The following POPDC1 variants were observed in gnomAD, a reference collection of about 807,000 sequenced individuals.
POPDC1 encodes popeye domain cAMP effector 1.
the POPDC1 span, chr6:105,115,734 C>T: frequency 5.2e-4 from 834 of 1,614,040 alleles, 1 homozygote; most frequent in Non-Finnish European, 6.3e-4. Flanking sequence ...TGCAAGCCGT[C>T]GTCACTGTCA....
the POPDC1 span, among the ~76,000 whole-genome samples, chr6:105,127,427 TC>T: frequency 6.6e-6 from 1 of 152,080 alleles, no homozygotes; most frequent in African/African-American, 2.4e-5. Flanking sequence ...GATCTGCTCA[TC>T]CCGTAACTCT....
chr6:105,132,035 G>A, the POPDC1 span, among the ~76,000 whole-genome samples: 1 of 147,800 alleles, frequency 6.8e-6, no homozygotes, highest in Admixed American at 6.8e-5. Context: ...GCACAATCTT[G>A]GCTCACTGCA....
the POPDC1 span, chr6:105,116,972 G>T: frequency 9.7e-7 from 1 of 1,034,126 alleles, no homozygotes; most frequent in Non-Finnish European, 1.4e-6. Context: ...CATTATCATA[G>T]CAATGATTTG....
chr6:105,113,712 G>A, the POPDC1 span, among the ~76,000 whole-genome samples: 1 of 152,040 alleles, frequency 6.6e-6, no homozygotes, highest in East Asian at 1.9e-4. Context: ...TGCAGGCCAG[G>A]TGCAGTGGCT....
the POPDC1 span, chr6:105,101,218 GGAAA>G: frequency 6.2e-7 from 1 of 1,605,454 alleles, no homozygotes; most frequent in East Asian, 2.2e-5. Context: ...ACACATCTGT[GGAAA>G]GATACAGGAG....
At chr6:105,114,355 AAAC>A in the POPDC1 span, among the ~76,000 whole-genome samples, 1 of 152,352 alleles carries the variant, frequency 6.6e-6, no homozygotes, top group East Asian at 1.9e-4. Context: ...TCCAGCCAAA[AAAC>A]AACCCTAAAA....
chr6:105,109,982 A>G, the POPDC1 span, among the ~76,000 whole-genome samples: 4 of 151,968 alleles, frequency 2.6e-5, no homozygotes, highest in South Asian at 2.1e-4. Context: ...TGACTAACAG[A>G]CTAAAAATGT....
At chr6:105,126,902 G>T in the POPDC1 span, among the ~76,000 whole-genome samples, 47 of 152,330 alleles carry the variant, frequency 3.1e-4, no homozygotes, top group African/African-American at 1.1e-3. Context: ...AATGAACTCT[G>T]TAAAATGGAG....
At chr6:105,116,595 T>C in the POPDC1 span, 2 of 874,570 alleles carry the variant, frequency 2.3e-6, no homozygotes, top group Non-Finnish European at 3.4e-6. Flanking sequence ...CCCCAGTACA[T>C]TTAACATATG....
chr6:105,125,681 T>C, the POPDC1 span: 1 of 1,101,918 alleles, frequency 9.1e-7, no homozygotes, highest in Non-Finnish European at 1.3e-6. Context: ...AAATCTTTGA[T>C]ATATACCATC....
At chr6:105,121,817 A>G in the POPDC1 span, among the ~76,000 whole-genome samples, 1 of 152,108 alleles carries the variant, frequency 6.6e-6, no homozygotes, top group African/African-American at 2.4e-5. Context: ...CCTCCTTTTC[A>G]TCGTACTGTA....
At chr6:105,097,260 T>C in the POPDC1 span, 1 of 151,870 alleles carries the variant, frequency 6.6e-6, no homozygotes, top group Non-Finnish European at 1.5e-5. Context: ...TTGAGTTGAG[T>C]TGAGAATTAC....
At chr6:105,129,399 G>A in the POPDC1 span, 1 of 1,611,060 alleles carries the variant, frequency 6.2e-7, no homozygotes, top group Admixed American at 1.7e-5. Flanking sequence ...TTGTATAAAA[G>A]ATACGACAGA....
the POPDC1 span, among the ~76,000 whole-genome samples, chr6:105,104,170 C>T: frequency 6.6e-6 from 1 of 151,940 alleles, no homozygotes; most frequent in Non-Finnish European, 1.5e-5. Context: ...ATGGTTCCTC[C>T]ACTCCCATCT....
chr6:105,117,516 T>G, the POPDC1 span, among the ~76,000 whole-genome samples: 130,476 of 152,084 alleles, frequency 0.86, 57,531 homozygotes, highest in Non-Finnish European at 0.96. Flanking sequence ...CCTTCAGTAT[T>G]GTATGTAGGA....
the POPDC1 span, among the ~76,000 whole-genome samples, chr6:105,111,821 CT>C: frequency 6.6e-6 from 1 of 152,166 alleles, no homozygotes; most frequent in Non-Finnish European, 1.5e-5. Context: ...TTCCCTCCAC[CT>C]TTTTCTGTCC....
At chr6:105,130,377 A>T in the POPDC1 span, among the ~76,000 whole-genome samples, 1 of 152,190 alleles carries the variant, frequency 6.6e-6, no homozygotes, top group South Asian at 2.1e-4. Flanking sequence ...TGGAAAAAAA[A>T]TTTTATACAT....
chr6:105,102,450 G>A, the POPDC1 span, among the ~76,000 whole-genome samples: 2 of 152,138 alleles, frequency 1.3e-5, no homozygotes, highest in African/African-American at 2.4e-5. Flanking sequence ...CTGAGACAGC[G>A]GCAAAGGCTT....
chr6:105,134,294 A>G, the POPDC1 span, among the ~76,000 whole-genome samples: 1 of 152,162 alleles, frequency 6.6e-6, no homozygotes, highest in African/African-American at 2.4e-5. Flanking sequence ...TCACAAATTT[A>G]AAAGTAGTAA....
Sources: allele counts gnomAD v4.1 joint callset (sites outside exome capture counted in the v4.1 genomes callset), GRCh38; gene constraint gnomAD v4.1.1; transcripts MANE v1.5; gene names NCBI Gene and HGNC (gene_info 2026-07-23, HGNC 2026-07-21).